The following ABCB5 variants were observed in gnomAD, a reference collection of about 807,000 sequenced individuals.
ABCB5 encodes ATP binding cassette subfamily B member 5, also known as ATP-binding cassette sub-family B member 5.
Under a neutral mutation model 144.2 loss-of-function variants are expected in ABCB5, and 155 were observed. That is an observed-to-expected ratio of 1.08 (90% CI 0.94 to 1.23). The LOEUF is 1.23. Ranked by LOEUF, ABCB5 falls within the 50% of genes most tolerant of loss-of-function variation. ABCB5 has a pLI of 0.00. For synonymous variants in ABCB5, 610 were observed against 528.6 expected, an observed-to-expected ratio of 1.15 and a Z score of -2.11; for missense variants, 1,830 against 1,520.8, an observed-to-expected ratio of 1.20 and a Z score of -3.38.
chr7:20,707,801 C>CTTTTTTTTTT lies in ABCB5; in HGVS notation c.2421+3007_2421+3016dup, dbSNP rs67014566. ...TACCTGGACAATGGTAACCTCATTT[C>CTTTTTTTTTT]TTTTTTTTTTTTTTTTTTTTTTGAG... On this transcript the variant is annotated intron_variant, in intron 20 of 27. Transcript: ENST00000404938. 1.7e-3 allele frequency among the ~76,000 whole-genome samples: 155 copies of CTTTTTTTTTT among 93,060 alleles called. 1 individual carries two copies. The highest frequency in any genetic ancestry group is 2.2e-3 in the African/African-American group (51 of 23,624). The allele number at this position is 93,060 out of a possible 152,430, so 61.1% of individuals were successfully genotyped here.
chr7:20,643,767 T>C, intron 7 of ABCB5, 135 bp downstream of exon 7: 2 of 948,690 alleles, frequency 2.1e-6, no homozygotes, highest in Non-Finnish European at 3.1e-6. Context: ...ACACCACAAA[T>C]ACTTTTGATT....
Position 20,668,633 on chromosome 7 carries a change from G to A in ABCB5, c.1707+9957G>A, listed in dbSNP as rs1401229964. Among the ~76,000 whole-genome samples, 11 of 147,702 alleles carry A rather than the reference G, an allele frequency of 7.4e-5. No individual in the cohort carries two copies. The East Asian group carries it at 2.0e-3, about 26-fold the overall frequency. On this transcript the variant is annotated intron_variant, in intron 14 of 27. Transcript: ENST00000404938. ...CCCCGCCCGGCCAGCCGCCCCGTCC[G>A]GGAGGTGAGGGACTCCTCTGCCCGG...
At chr7:20,667,233 T>G (rs1261371255) in intron 14 of ABCB5, 9 of 958,570 alleles carry the variant, frequency 9.4e-6, no homozygotes, top group East Asian at 2.3e-4. Flanking sequence ...ATCAAATATT[T>G]ATAGTTTAGG....
intron 16 of ABCB5, among the ~76,000 whole-genome samples, 165 bp from the exon 17 acceptor site, chr7:20,698,242 A>C (rs1202905072): frequency 2.6e-5 from 4 of 152,204 alleles, no homozygotes; most frequent in Admixed American, 2.6e-4. Context: ...CTTTAGGGTC[A>C]TCGTTAATAA....
chr7:20,636,276 C>T (rs940872155), intron 5 of ABCB5, among the ~76,000 whole-genome samples: 1 of 151,974 alleles, frequency 6.6e-6, no homozygotes, highest in Non-Finnish European at 1.5e-5. Context: ...CTCTGATGTA[C>T]AGTCACGAAG....
intron 23 of ABCB5, among the ~76,000 whole-genome samples, chr7:20,737,427 G>A (rs922974454): frequency 6.6e-6 from 1 of 152,148 alleles, no homozygotes; most frequent in African/African-American, 2.4e-5. Context: ...GCTCTGAGTT[G>A]AAGGCCCTTC....
intron 15 of ABCB5, among the ~76,000 whole-genome samples, chr7:20,681,884 T>C (rs1266903518): frequency 6.6e-6 from 1 of 152,152 alleles, no homozygotes; most frequent in East Asian, 1.9e-4. Context: ...GTACCTAATA[T>C]CTGCCAGGCA....
chr7:20,666,903 G>C (rs548289496), intron 14 of ABCB5: 21 of 1,318,076 alleles, frequency 1.6e-5, no homozygotes, highest in Admixed American at 1.2e-4. Context: ...AAATTTTCCT[G>C]ATCAGTTTTT....
chr7:20,647,716 C>T (rs1396877345), intron 10 of ABCB5, 68 bp downstream of exon 10: 2 of 1,523,964 alleles, frequency 1.3e-6, no homozygotes, highest in African/African-American at 2.8e-5. Context: ...AAACATACAC[C>T]CTCATTTTCA....
chr7:20,718,381 GC>G (rs954339255), intron 20 of ABCB5, among the ~76,000 whole-genome samples: 2 of 152,162 alleles, frequency 1.3e-5, no homozygotes, highest in African/African-American at 4.8e-5. Flanking sequence ...CCCCATTTAG[GC>G]CCATGGTTCT....
chr7:20,619,340 C>T (rs1368880042), intron 1 of ABCB5, among the ~76,000 whole-genome samples: 2 of 152,120 alleles, frequency 1.3e-5, no homozygotes, highest in Non-Finnish European at 2.9e-5. Context: ...CACAGCCTTG[C>T]CAGTATCTGT....
chr7:20,681,634 C>T lies in ABCB5; in HGVS notation c.1837C>T (p.Arg613Ter), dbSNP rs750847169. The T allele has an allele frequency of 1.1e-5, 17 of 1,613,904 alleles. No homozygotes were observed. Among genetic ancestry groups the T allele is most frequent in the Non-Finnish European group, 1.2e-5 (14 of 1,180,008 alleles). Residue 613 changes from arginine to a stop codon, truncating the protein, a stop_gained, in exon 15 of 28, where the codon CGA (arginine) becomes TGA (stop). Coordinates refer to ENST00000404938, the MANE Select transcript of ABCB5 (RefSeq NM_001163941.2). LOFTEE classifies it high-confidence loss of function. ...AGCACATGCTGAACTAATGGCAAAACGAGGTCTATATTATTCACTTGTGAT... is the reference window on the plus strand; with the variant it reads ...AGCACATGCTGAACTAATGGCAAAATGAGGTCTATATTATTCACTTGTGAT... ...KGAHAELMAK[R>*]GLYYSLVMSQ...
At chr7:20,726,536 T>C (rs2128050872) in intron 21 of ABCB5, among the ~76,000 whole-genome samples, 1 of 152,096 alleles carries the variant, frequency 6.6e-6, no homozygotes, top group East Asian at 1.9e-4. Flanking sequence ...CTGGTTAATT[T>C]TTGTATTTTT....
chr7:20,675,115 T>C (rs971132675), intron 14 of ABCB5, among the ~76,000 whole-genome samples: 1 of 151,842 alleles, frequency 6.6e-6, no homozygotes, highest in African/African-American at 2.4e-5. Context: ...AAAATCCCAA[T>C]GGCATATTTT....
intron 16 of ABCB5, among the ~76,000 whole-genome samples, chr7:20,691,386 G>A (rs1231988943): frequency 6.6e-6 from 1 of 151,612 alleles, no homozygotes; most frequent in Non-Finnish European, 1.5e-5. Context: ...TTCTCAGAAA[G>A]AGAAAAGCCC....
rs74880368 is a variant in ABCB5 at position 20,680,642 on chromosome 7, T to C, written c.1708-863T>C. ...CTTGTGGGTGCTGGTAATGATGGGA[T>C]TCTTGACCTGGATACCATGATACGG... On this transcript the variant is annotated intron_variant, in intron 14 of 27. Transcript: ENST00000404938. 9.5e-3 allele frequency among the ~76,000 whole-genome samples: 1,438 copies of C among 151,786 alleles called. 22 individuals carry two copies. Among genetic ancestry groups the C allele is most frequent in the African/African-American group, 0.033 (1,352 of 41,318 alleles).
chr7:20,674,631 A>T (rs955988315), intron 14 of ABCB5, among the ~76,000 whole-genome samples: 11 of 151,756 alleles, frequency 7.2e-5, no homozygotes, highest in African/African-American at 2.7e-4. Flanking sequence ...TGCATTCAAC[A>T]AAGTCCTGAA....
intron 12 of ABCB5, among the ~76,000 whole-genome samples, chr7:20,651,210 G>A (rs888164253): frequency 2.6e-5 from 4 of 152,070 alleles, no homozygotes; most frequent in African/African-American, 9.7e-5. Context: ...AAGGTTTTAG[G>A]CCAATTATTC....
intron 13 of ABCB5, among the ~76,000 whole-genome samples, chr7:20,658,207 A>G (rs1420408780): frequency 1.3e-5 from 2 of 152,190 alleles, no homozygotes; most frequent in African/African-American, 4.8e-5. Flanking sequence ...AAAATATCTA[A>G]AAGAGATTTG....
Sources: gnomAD v4.1 joint callset for allele counts (sites outside exome capture counted in the v4.1 genomes callset) on GRCh38, gnomAD v4.1.1 for gene constraint, MANE v1.5 for transcripts, NCBI Gene and HGNC (gene_info 2026-07-23, HGNC 2026-07-21) for gene names.